The following GPR158 variants were observed in gnomAD, a reference collection of about 807,000 sequenced individuals.
GPR158 encodes the protein G protein-coupled receptor 158.
Under a neutral mutation model 78.2 loss-of-function variants are expected in GPR158, and 30 were observed. The ratio of observed to expected loss-of-function variants is 0.38; its 90% CI spans 0.29 to 0.52. GPR158 has a LOEUF of 0.52. Ranked by LOEUF, GPR158 falls within the 20% of genes least tolerant of loss-of-function variation. The pLI, the probability that GPR158 is intolerant of heterozygous loss-of-function variation, is 0.83. For synonymous variants in GPR158, 581 were observed against 591.1 expected, an observed-to-expected ratio of 0.98 and a Z score of 0.25; for missense variants, 1,463 against 1,523.5, an observed-to-expected ratio of 0.96 and a Z score of 0.66.
chr10:25,538,351 G>T lies in GPR158; in HGVS notation c.1405-12625G>T, dbSNP rs919581414. The stretch of plus-strand genomic sequence containing the variant: ...GGATATTTTCCCCATTAGCTTTTAT[G>T]CATAGCTCCTTATGCCTTGTTTTAT... On this transcript the variant is annotated intron_variant, in intron 5 of 10. Transcript: ENST00000376351. Among the ~76,000 whole-genome samples, 4 of 152,168 alleles carry T rather than the reference G, an allele frequency of 2.6e-5. No individual in the cohort carries two copies. In the East Asian group the frequency reaches 7.7e-4, roughly 29 times the overall value.
intron 3 of GPR158, among the ~76,000 whole-genome samples, chr10:25,405,687 A>C (rs1488903816): frequency 2.0e-5 from 3 of 151,654 alleles, no homozygotes; most frequent in African/African-American, 7.3e-5. Flanking sequence ...AGTGACATAG[A>C]GAGGGTTCTA....
At chr10:25,228,983 T>A (rs954178810) in intron 2 of GPR158, among the ~76,000 whole-genome samples, 2 of 148,004 alleles carry the variant, frequency 1.4e-5, no homozygotes, top group Non-Finnish European at 3.0e-5. Flanking sequence ...TACAGTGAGC[T>A]GAGATCGTGC....
chr10:25,213,157 G>GT (rs1374359746), intron 1 of GPR158, among the ~76,000 whole-genome samples: 2 of 151,384 alleles, frequency 1.3e-5, no homozygotes, highest in South Asian at 2.1e-4. Flanking sequence ...TTCTTTTTCA[G>GT]TTTTTTTGGT....
At chr10:25,200,844 A>ATCTATGT (rs1852913914) in intron 1 of GPR158, among the ~76,000 whole-genome samples, 1 of 143,130 alleles carries the variant, frequency 7.0e-6, no homozygotes, top group Non-Finnish European at 1.5e-5. Context: ...TGTTCCATAG[A>ATCTATGT]TCTATGTATC....
At chr10:25,347,546 A>G (rs1324969987) in intron 2 of GPR158, among the ~76,000 whole-genome samples, 4 of 151,930 alleles carry the variant, frequency 2.6e-5, no homozygotes, top group African/African-American at 7.2e-5. Flanking sequence ...TATACAAGCT[A>G]TTTTCATCAT....
At chr10:25,433,694 C>CTTTTTTT (rs3082190) in intron 4 of GPR158, among the ~76,000 whole-genome samples, 40 of 109,774 alleles carry the variant, frequency 3.6e-4, no homozygotes, top group Admixed American at 6.7e-4. Flanking sequence ...TTCTTTCTTT[C>CTTTTTTT]TTTTTTTTTT....
intron 5 of GPR158, among the ~76,000 whole-genome samples, chr10:25,514,592 T>C (rs779109733): frequency 6.6e-6 from 1 of 152,178 alleles, no homozygotes; most frequent in African/African-American, 2.4e-5. Context: ...TTTTTCATTG[T>C]GTTATTGTTA....
chr10:25,548,171 A>G (rs149104222), intron 5 of GPR158, among the ~76,000 whole-genome samples: 4 of 152,324 alleles, frequency 2.6e-5, no homozygotes, highest in African/African-American at 9.6e-5. Context: ...TTTAATATGT[A>G]TAAACTTTTA....
At chr10:25,516,764 G>A (rs779430477) in intron 5 of GPR158, among the ~76,000 whole-genome samples, 2 of 106,820 alleles carry the variant, frequency 1.9e-5, no homozygotes, top group Admixed American at 9.8e-5. Flanking sequence ...TGCTGTTTTG[G>A]TTACTGTAGC....
intron 2 of GPR158, among the ~76,000 whole-genome samples, chr10:25,316,453 C>T (rs926463525): frequency 9.2e-5 from 14 of 152,062 alleles, no homozygotes; most frequent in Non-Finnish European, 1.5e-4. Context: ...GCAAGAAAAA[C>T]GATAGTGTTT....
chr10:25,248,167 G>A (rs2130716708), intron 2 of GPR158, among the ~76,000 whole-genome samples: 1 of 151,834 alleles, frequency 6.6e-6, no homozygotes, highest in East Asian at 1.9e-4. Context: ...GGGGTTGTTT[G>A]TTTTTTTCTT....
chr10:25,429,628 T>A (rs950829523), intron 4 of GPR158, among the ~76,000 whole-genome samples: 7 of 151,868 alleles, frequency 4.6e-5, no homozygotes, highest in African/African-American at 1.4e-4. Context: ...ACTGGCAAAC[T>A]GAATCCAGCA....
At chr10:25,306,712 A>G (rs1183175812) in intron 2 of GPR158, among the ~76,000 whole-genome samples, 1 of 152,202 alleles carries the variant, frequency 6.6e-6, no homozygotes, top group East Asian at 1.9e-4. Context: ...CTAATGTGTC[A>G]TGCATGCCAG....
intron 5 of GPR158, among the ~76,000 whole-genome samples, chr10:25,548,216 C>G (rs1427600271): frequency 1.3e-5 from 2 of 152,024 alleles, no homozygotes; most frequent in African/African-American, 4.8e-5. Context: ...GAGGAACAGG[C>G]CCTTCTTCAA....
chr10:25,520,483 T>C (rs906633991), intron 5 of GPR158, among the ~76,000 whole-genome samples: 41 of 150,268 alleles, frequency 2.7e-4, no homozygotes, highest in Middle Eastern at 6.8e-3. Flanking sequence ...TTCTGTTCTG[T>C]TTTTTCCCCA....
chr10:25,256,712 T>C (rs1231677109), intron 2 of GPR158, among the ~76,000 whole-genome samples: 1 of 151,994 alleles, frequency 6.6e-6, no homozygotes, highest in African/African-American at 2.4e-5. Flanking sequence ...TAAAATAAAA[T>C]AAAAACAATA....
At chr10:25,292,936 CA>C (rs1258251522) in intron 2 of GPR158, among the ~76,000 whole-genome samples, 5 of 152,162 alleles carry the variant, frequency 3.3e-5, no homozygotes, top group South Asian at 2.1e-4. Context: ...AGTTATAAGA[CA>C]ATGGAAGGAG....
chr10:25,258,763 A>C (rs1853926044), intron 2 of GPR158, among the ~76,000 whole-genome samples: 2 of 152,106 alleles, frequency 1.3e-5, no homozygotes, highest in Non-Finnish European at 2.9e-5. Flanking sequence ...TGCAGGGATA[A>C]GGGGCACCAA....
intron 1 of GPR158, among the ~76,000 whole-genome samples, chr10:25,191,750 A>C (rs1018700923): frequency 6.6e-5 from 10 of 152,184 alleles, no homozygotes; most frequent in East Asian, 5.8e-4. Flanking sequence ...GCCTATCAGT[A>C]CTGCAAATTT....
Sources: gnomAD v4.1 joint callset for allele counts (sites outside exome capture counted in the v4.1 genomes callset) on GRCh38, gnomAD v4.1.1 for gene constraint, MANE v1.5 for transcripts, NCBI Gene and HGNC (gene_info 2026-07-23, HGNC 2026-07-21) for gene names.